Variants in BPGM observed in about 807,000 individuals in gnomAD.
BPGM encodes 2,3-bisphosphoglycerate mutase, erythrocyte.
Under a neutral mutation model 21.6 loss-of-function variants are expected in BPGM, and 15 were observed. The ratio of observed to expected loss-of-function variants is 0.70; its 90% CI spans 0.47 to 1.07. The LOEUF (loss-of-function observed/expected upper bound fraction) is 1.07, where lower values mean the gene tolerates loss of function less well. Among genes scored for constraint, BPGM ranks in the 50% least tolerant of loss-of-function variants. BPGM has a pLI of 0.00. For missense variants in BPGM, 273 were observed against 319.0 expected, an observed-to-expected ratio of 0.86 and a Z score of 1.10; for synonymous variants, 113 against 116.2, an observed-to-expected ratio of 0.97 and a Z score of 0.18.
At chr7:134,676,637 C>T (rs966682835) in intron 2 of BPGM, among the ~76,000 whole-genome samples, 12 of 152,156 alleles carry the variant, frequency 7.9e-5, no homozygotes, top group African/African-American at 2.9e-4. Flanking sequence ...GCTAGAGGGA[C>T]TTATTTTATA....
rs574050224 is a variant in BPGM at position 134,649,664 on chromosome 7, T to C, written c.-62+2727T>C. Among the ~76,000 whole-genome samples the C allele has an allele frequency of 1.4e-3, 208 of 152,362 alleles. 2 individuals carry two copies. Among genetic ancestry groups the C allele is most frequent in the African/African-American group, 4.9e-3 (204 of 41,594 alleles). ...AGCCACAAATATGAGGAAAACATAC[T>C]TTGTAAAATATAAATTAAATGTTAA... On this transcript the variant is annotated intron_variant, in intron 1 of 2. Coordinates refer to ENST00000344924, the MANE Select transcript of BPGM (RefSeq NM_001724.5).
intron 1 of BPGM, among the ~76,000 whole-genome samples, chr7:134,653,057 G>T (rs888715446): frequency 6.6e-6 from 1 of 152,098 alleles, no homozygotes; most frequent in Non-Finnish European, 1.5e-5. Context: ...CTATGCATGG[G>T]TTTTACATGT....
intron 1 of BPGM, among the ~76,000 whole-genome samples, chr7:134,653,523 A>T (rs1343159167): frequency 6.6e-6 from 1 of 152,188 alleles, no homozygotes; most frequent in East Asian, 1.9e-4. Flanking sequence ...CCCAATATGT[A>T]TAGAAAAACC....
intron 2 of BPGM, among the ~76,000 whole-genome samples, chr7:134,672,799 T>C (rs999144517): frequency 5.3e-5 from 8 of 152,112 alleles, no homozygotes; most frequent in Non-Finnish European, 1.2e-4. Context: ...TGCTTAACTT[T>C]CTTAGGATGA....
chr7:134,678,734 C>A, intron 2 of BPGM, 119 bp from the exon 3 acceptor site: 1 of 1,013,600 alleles, frequency 9.9e-7, no homozygotes, highest in Non-Finnish European at 1.6e-6. Context: ...TGGAATCCCT[C>A]AGTACCTGCA....
chr7:134,656,948 T>C (rs1485053670), intron 1 of BPGM, among the ~76,000 whole-genome samples: 1 of 152,200 alleles, frequency 6.6e-6, no homozygotes, highest in East Asian at 1.9e-4. Context: ...AGTTAGTTAC[T>C]TCCTAGATAC....
At chr7:134,652,531 A>G (rs984222107) in intron 1 of BPGM, among the ~76,000 whole-genome samples, 12 of 152,180 alleles carry the variant, frequency 7.9e-5, no homozygotes, top group Non-Finnish European at 1.3e-4. Flanking sequence ...AAAATGCAAT[A>G]AATTATTATC....
At chr7:134,662,861 C>T (rs568178036) in intron 2 of BPGM, among the ~76,000 whole-genome samples, 1 of 152,310 alleles carries the variant, frequency 6.6e-6, no homozygotes, top group East Asian at 1.9e-4. Context: ...TGTATTGTTA[C>T]CTTTTTAAGT....
chr7:134,649,096 C>T (rs1795514353), intron 1 of BPGM, among the ~76,000 whole-genome samples: 1 of 152,120 alleles, frequency 6.6e-6, no homozygotes, highest in African/African-American at 2.4e-5. Context: ...GGGTAGCTGT[C>T]ACCAAAAGCA....
intron 1 of BPGM, among the ~76,000 whole-genome samples, chr7:134,655,928 G>C (rs553305796): frequency 3.0e-4 from 45 of 152,296 alleles, no homozygotes; most frequent in African/African-American, 1.1e-3. Flanking sequence ...TATATCTCAA[G>C]GGATCCATCG....
chr7:134,657,991 C>CT (rs1795667279), intron 1 of BPGM, among the ~76,000 whole-genome samples: 1 of 152,146 alleles, frequency 6.6e-6, no homozygotes, highest in Non-Finnish European at 1.5e-5. Flanking sequence ...AGGTCATAAG[C>CT]TAGCAGCCAC....
intron 2 of BPGM, among the ~76,000 whole-genome samples, chr7:134,662,592 A>G (rs1343616232): frequency 6.6e-6 from 1 of 152,224 alleles, no homozygotes; most frequent in African/African-American, 2.4e-5. Flanking sequence ...AGTCAAGTAA[A>G]TTATCTAGAC....
chr7:134,671,601 G>A lies in BPGM; in HGVS notation c.602-7252G>A, dbSNP rs990113227. On this transcript the variant is annotated intron_variant, in intron 2 of 2. Transcript: ENST00000344924. ...AGGATGGCCTCGATCTCCTGACCTC[G>A]TGATTGCCTGCCTCGGCCTCCCAAA... Among the ~76,000 whole-genome samples the A allele has an allele frequency of 3.9e-5, 6 of 152,178 alleles. No homozygotes were observed. The Middle Eastern group carries it at 0.01, about 259-fold the overall frequency.
At chr7:134,647,791 C>T (rs1269858268) in intron 1 of BPGM, among the ~76,000 whole-genome samples, 2 of 152,072 alleles carry the variant, frequency 1.3e-5, no homozygotes, top group African/African-American at 2.4e-5. Flanking sequence ...GTCAATTTGT[C>T]TTTTATTTTT....
Position 134,646,944 on chromosome 7 carries a change from G to C in BPGM, c.-62+7G>C. 1 of 176,508 alleles carries C rather than the reference G, an allele frequency of 5.7e-6. No homozygotes were observed. The highest frequency in any genetic ancestry group is 1.2e-5 in the Non-Finnish European group (1 of 81,184). The allele number at this position is 176,508 out of a possible 1,614,324, so 10.9% of individuals were successfully genotyped here. On this transcript the variant is annotated splice_region_variant and intron_variant, in intron 1 of 2. Transcript: ENST00000344924. ...GCTGGTGGCCCCTTTGCAGGTGAGT[G>C]GCTTTGTTTTAGAAAATGTTGCGAA...
chr7:134,672,073 C>G (rs953623638), intron 2 of BPGM, among the ~76,000 whole-genome samples: 3 of 152,106 alleles, frequency 2.0e-5, no homozygotes, highest in Non-Finnish European at 4.4e-5. Context: ...AGTTATTCCT[C>G]TATGCAGAAA....
intron 1 of BPGM, among the ~76,000 whole-genome samples, chr7:134,648,101 T>C (rs1244598887): frequency 6.7e-6 from 1 of 149,006 alleles, no homozygotes. Context: ...CCTGGCCTTG[T>C]CTTTTTTCTT....
At chr7:134,669,684 A>G (rs553542517) in intron 2 of BPGM, among the ~76,000 whole-genome samples, 1 of 152,344 alleles carries the variant, frequency 6.6e-6, no homozygotes, top group South Asian at 2.1e-4. Flanking sequence ...CAAATGACTT[A>G]TTTATATAAT....
Position 134,661,426 on chromosome 7 carries a change from T to A in BPGM, c.-61-21T>A, listed in dbSNP as rs1392593401. On this transcript the variant is annotated intron_variant, in intron 1 of 2. Transcript: ENST00000344924. The surrounding 1 kb of genome is among the most constrained non-coding windows in gnomAD (Gnocchi z 4.6). The stretch of plus-strand genomic sequence containing the variant: ...ATTGTCAGTTGAATATAACTTAGAC[T>A]TGTTGTTCTTGTCTTTCTAGATGTA... 2 of 1,585,584 alleles carry A rather than the reference T, an allele frequency of 1.3e-6. No individual in the cohort carries two copies. The highest frequency in any genetic ancestry group is 2.7e-5 in the African/African-American group (2 of 74,204).
Sources: gnomAD v4.1 joint callset for allele counts (sites outside exome capture counted in the v4.1 genomes callset) on GRCh38, gnomAD v4.1.1 for gene constraint, Gnocchi (gnomAD v3.1) non-coding constraint, MANE v1.5 for transcripts, NCBI Gene and HGNC (gene_info 2026-07-23, HGNC 2026-07-21) for gene names.